CTIF: variants seen among roughly 807,000 people sequenced by gnomAD.
CTIF encodes the protein cap binding complex dependent translation initiation factor.
CTIF carries 21 observed loss-of-function variants against 66.0 expected under a neutral mutation model. The ratio of observed to expected loss-of-function variants is 0.32; its 90% confidence interval spans 0.23 to 0.46. The LOEUF (loss-of-function observed/expected upper bound fraction) is 0.46, where lower values mean the gene tolerates loss of function less well. CTIF is among the 20% of genes least tolerant of loss of function. The pLI is 1.00. For missense variants in CTIF, 739 were observed against 812.7 expected (o/e 0.91, Z 1.10); for synonymous variants, 345 against 326.4 (o/e 1.06, Z -0.62).
intron 7 of CTIF, among the ~76,000 whole-genome samples, chr18:48,752,740 G>A (rs919424153): frequency 6.6e-6 from 1 of 152,180 alleles, no homozygotes; most frequent in African/African-American, 2.4e-5. Flanking sequence ...GACAGACCTG[G>A]CAAGGAGTGT....
At chr18:48,807,585 T>G (rs1310898867) in intron 9 of CTIF, among the ~76,000 whole-genome samples, 2 of 123,826 alleles carry the variant, frequency 1.6e-5, no homozygotes, top group East Asian at 2.1e-4. Flanking sequence ...GTTGTGTTTT[T>G]TTTTTTTTTT....
At chr18:48,665,725 A>T (rs748941777) in intron 5 of CTIF, among the ~76,000 whole-genome samples, 1 of 152,204 alleles carries the variant, frequency 6.6e-6, no homozygotes. Flanking sequence ...AGAAACAGTC[A>T]TATGTGACCT....
At position 48,761,719 on chromosome 18, in the gene CTIF, C is replaced by A; in HGVS notation, c.1371+30C>A. 6.3e-7 allele frequency: 1 copy of A among 1,587,100 alleles called. No individual in the cohort carries two copies. Among genetic ancestry groups the A allele is most frequent in the South Asian group, 1.1e-5 (1 of 87,830 alleles). On this transcript the variant is annotated intron_variant, in intron 9 of 11. Coordinates refer to ENST00000256413, the MANE Select transcript of CTIF (RefSeq NM_014772.3). This position sits in a 1 kb window ranked among gnomAD's most constrained non-coding sequence, Gnocchi z 4.2. Reference sequence around the variant, plus strand: ...CTGGACGCCGGCCACCACCGCCCCGCGCCCCCTGCCCCTCTGCGTTCGGTG... The same window carrying A: ...CTGGACGCCGGCCACCACCGCCCCGAGCCCCCTGCCCCTCTGCGTTCGGTG...
At chr18:48,707,589 T>C (rs1463578100) in intron 6 of CTIF, among the ~76,000 whole-genome samples, 5 of 151,970 alleles carry the variant, frequency 3.3e-5, no homozygotes, top group Admixed American at 2.0e-4. Context: ...CTCCTCCTCT[T>C]CCTTCTCCTT....
At chr18:48,660,540 G>A (rs1486632153) in intron 3 of CTIF, among the ~76,000 whole-genome samples, 1 of 152,220 alleles carries the variant, frequency 6.6e-6, no homozygotes, top group Non-Finnish European at 1.5e-5. Context: ...GAATCTGGAA[G>A]TCCAGAGATT....
Position 48,860,245 on chromosome 18 carries a change from T to C in CTIF, c.*686T>C. 3.1e-6 allele frequency: 1 copy of C among 320,044 alleles called. No homozygotes were observed. The allele number at this position is 320,044 out of a possible 1,614,324, so 19.8% of individuals were successfully genotyped here. Reference sequence around the variant, plus strand: ...GAGTTTGCAGTTCCACTTGCACTCTTTTGTTTATTGTGTTTTATTTTTCAA... The same window carrying C: ...GAGTTTGCAGTTCCACTTGCACTCTCTTGTTTATTGTGTTTTATTTTTCAA... On this transcript the variant is annotated 3_prime_UTR_variant, in exon 12 of 12. Transcript: ENST00000256413.
chr18:48,555,918 G>A (rs967269918), intron 1 of CTIF, among the ~76,000 whole-genome samples: 1 of 152,328 alleles, frequency 6.6e-6, no homozygotes, highest in African/African-American at 2.4e-5. Flanking sequence ...CCTTCAGCCA[G>A]CAGGAGAGAG....
rs148796686 is a variant in CTIF at position 48,750,141 on chromosome 18, C to T, written c.585-7778C>T. Among the ~76,000 whole-genome samples, 834 of 152,340 alleles carry T rather than the reference C, an allele frequency of 5.5e-3. 5 individuals are homozygous for T. Among genetic ancestry groups the T allele is most frequent in the African/African-American group, 0.014 (569 of 41,576 alleles). ...TTTCCTGGGCTTCATTTCATTGTAG[C>T]CTCAGACTAGCCTTGTGATCCAGGC... On this transcript the variant is annotated intron_variant, in intron 7 of 11. Coordinates refer to ENST00000256413, the MANE Select transcript of CTIF (RefSeq NM_014772.3).
At chr18:48,746,983 A>T (rs1907279530) in intron 7 of CTIF, among the ~76,000 whole-genome samples, 1 of 151,880 alleles carries the variant, frequency 6.6e-6, no homozygotes, top group South Asian at 2.1e-4. Context: ...GCTGTCGTAG[A>T]TGGTTCTTTG....
intron 7 of CTIF, among the ~76,000 whole-genome samples, chr18:48,738,312 C>T (rs2092522204): frequency 6.6e-6 from 1 of 152,178 alleles, no homozygotes; most frequent in South Asian, 2.1e-4. Flanking sequence ...TCTTTGATCT[C>T]ACCTTTTTCA....
chr18:48,621,265 G>A (rs1346026245), intron 2 of CTIF, among the ~76,000 whole-genome samples: 1 of 148,220 alleles, frequency 6.7e-6, no homozygotes, highest in African/African-American at 2.5e-5. Flanking sequence ...AAGTAGCGTA[G>A]TCAGGGAAGC....
rs1040328091 is a variant in CTIF, at chr18:48,539,031, A to T, written c.-310A>T. On this transcript the variant is annotated 5_prime_UTR_variant, in exon 1 of 12. Coordinates refer to ENST00000256413, the MANE Select transcript of CTIF (RefSeq NM_014772.3). ...GAGGGGAGGGCGGGGCCTGAACGTC[A>T]CTCTCCTACATTCTCTTTCCCTGTG... The T allele has an allele frequency of 2.6e-5, 4 of 151,636 alleles. No individual in the cohort carries two copies. In the South Asian group the frequency reaches 8.3e-4, roughly 31 times the overall value. The allele number at this position is 151,636 out of a possible 1,614,324, so 9.4% of individuals were successfully genotyped here.
chr18:48,723,552 A>C (rs371556493), intron 7 of CTIF, among the ~76,000 whole-genome samples: 4 of 152,212 alleles, frequency 2.6e-5, no homozygotes, highest in African/African-American at 9.7e-5. Context: ...ATGAGCACCC[A>C]GAGGGAAAGT....
At chr18:48,569,136 T>C (rs1321186828) in intron 1 of CTIF, among the ~76,000 whole-genome samples, 1 of 152,172 alleles carries the variant, frequency 6.6e-6, no homozygotes, top group African/African-American at 2.4e-5. Context: ...CATTTTACCT[T>C]AATTACCACT....
chr18:48,737,446 T>A (rs1423070376), intron 7 of CTIF, among the ~76,000 whole-genome samples: 1 of 152,268 alleles, frequency 6.6e-6, no homozygotes, highest in Non-Finnish European at 1.5e-5. Context: ...CATGGAATTC[T>A]AGGGGCTCTT....
At chr18:48,851,093 G>C (rs964575322) in intron 10 of CTIF, among the ~76,000 whole-genome samples, 2 of 152,242 alleles carry the variant, frequency 1.3e-5, no homozygotes, top group African/African-American at 2.4e-5. Context: ...TGGAAGGGGG[G>C]GCTCTAGGGT....
intron 10 of CTIF, among the ~76,000 whole-genome samples, chr18:48,854,534 C>T (rs143211130): frequency 3.3e-5 from 5 of 152,296 alleles, no homozygotes; most frequent in South Asian, 2.1e-4. Flanking sequence ...GCTCTCTGCC[C>T]CTGCTGCTGC....
In CTIF at chr18:48,758,203, G is replaced by C; in HGVS notation, c.869G>C (p.Gly290Ala). 6.2e-7 allele frequency: 1 copy of C among 1,613,694 alleles called. No individual in the cohort carries two copies. Among genetic ancestry groups the C allele is most frequent in the Non-Finnish European group, 8.5e-7 (1 of 1,179,920 alleles). ...CTGGAGGACACTGCAGGGGACACCG[G>C]GCACAGCAGCCTTGAGGCCCCCCGC... The part of the protein sequence containing the change: ...PKLEDTAGDT[G>A]HSSLEAPRSP... The change falls in exon 8 of 12, where the codon GGG becomes GCG. Residue 290 changes from glycine (G) to alanine (A), a missense_variant. Physicochemically the swap from Gly to Ala is moderately conservative, Grantham distance 60 (BLOSUM62 0). Coordinates refer to ENST00000256413, the MANE Select transcript of CTIF (RefSeq NM_014772.3).
intron 6 of CTIF, 67 bp downstream of exon 6, chr18:48,670,811 C>A (rs1224552775): frequency 4.4e-6 from 6 of 1,367,114 alleles, no homozygotes; most frequent in Non-Finnish European, 5.2e-6. Context: ...TCTTCCTGGA[C>A]AGGACCTAAC....
Sources: allele counts gnomAD v4.1 joint callset (sites outside exome capture counted in the v4.1 genomes callset), GRCh38; gene constraint gnomAD v4.1.1; non-coding constraint Gnocchi (gnomAD v3.1); transcripts MANE v1.5; gene names NCBI Gene and HGNC (gene_info 2026-07-23, HGNC 2026-07-21).